ALDH1A2: variants seen among roughly 807,000 people sequenced by gnomAD.
ALDH1A2 encodes retinal dehydrogenase 2.
ALDH1A2 carries 27 observed loss-of-function variants against 60.3 expected under a neutral mutation model. The ratio of observed to expected loss-of-function variants is 0.45; its 90% CI spans 0.33 to 0.62. The LOEUF is 0.62. Ranked by LOEUF, ALDH1A2 falls within the 20% of genes least tolerant of loss-of-function variation. The probability of loss-of-function intolerance (pLI) is 0.02; values close to 1 mark genes in which losing one functional copy is unlikely to be tolerated. For synonymous variants in ALDH1A2, 289 were observed against 232.4 expected (o/e 1.24, Z -2.21); for missense variants, 581 against 643.8 (o/e 0.90, Z 1.06).
At chr15:57,968,073 C>A (rs1869104544) in intron 7 of ALDH1A2, among the ~76,000 whole-genome samples, 1 of 152,122 alleles carries the variant, frequency 6.6e-6, no homozygotes, top group African/African-American at 2.4e-5. Context: ...CTGTGACTGT[C>A]TGCTCTTCTG....
At chr15:58,016,316 G>C (rs1034812744) in intron 1 of ALDH1A2, among the ~76,000 whole-genome samples, 1 of 151,782 alleles carries the variant, frequency 6.6e-6, no homozygotes, top group Non-Finnish European at 1.5e-5. Flanking sequence ...GCTAATTTTT[G>C]TATTTTTAGT....
chr15:57,955,094 T>C lies in ALDH1A2; in HGVS notation c.*103A>G. ...ACATGTTATCTTTTCAATCTTTAAG[T>C]AAGGACCGTGGCTCAACTTTGTATT... On this transcript the variant is annotated 3_prime_UTR_variant, in exon 13 of 13. Coordinates refer to ENST00000249750, the MANE Select transcript of ALDH1A2 (RefSeq NM_003888.4). 2.4e-6 allele frequency: 3 copies of C among 1,235,504 alleles called. No homozygotes were observed. Among genetic ancestry groups the C allele is most frequent in the Non-Finnish European group, 3.6e-6 (3 of 834,668 alleles). The allele number at this position is 1,235,504 out of a possible 1,614,324, so 76.5% of individuals were successfully genotyped here.
chr15:58,065,579 G>T lies in ALDH1A2; in HGVS notation c.72C>A (p.His24Gln), dbSNP rs924003291. 8 of 1,613,442 alleles carry T rather than the reference G, an allele frequency of 5.0e-6. No homozygotes were observed. Among genetic ancestry groups the T allele is most frequent in the Non-Finnish European group, 5.9e-6 (7 of 1,179,622 alleles). The change falls in exon 1 of 13, where the codon CAC (histidine) becomes CAA (glutamine). Residue 24 changes from histidine (H) to glutamine (Q), a missense_variant. By Grantham distance (24) the His-to-Gln change is conservative (BLOSUM62 0). This residue lies in a region of ALDH1A2 where 206 missense variants were observed against 174.1 expected (regional missense o/e 1.18). Coordinates refer to ENST00000249750, the MANE Select transcript of ALDH1A2 (RefSeq NM_003888.4). ...GATTGGGCGTGGGCGACGGCAGGAG[G>T]TGCAGCGACGCCATGAGGGCGGCGG... The part of the protein sequence containing the change: ...ADPAALMASL[H>Q]LLPSPTPNLE...
chr15:58,055,136 C>T (rs1011446408), intron 1 of ALDH1A2, among the ~76,000 whole-genome samples: 2 of 151,930 alleles, frequency 1.3e-5, no homozygotes, highest in East Asian at 1.9e-4. Context: ...CTTATTGTTA[C>T]GAGTAGGGAA....
chr15:58,056,258 C>T (rs1463473359), intron 1 of ALDH1A2, among the ~76,000 whole-genome samples: 2 of 152,070 alleles, frequency 1.3e-5, no homozygotes, highest in Non-Finnish European at 2.9e-5. Context: ...AACCATCAAT[C>T]AAAGTAGTTT....
intron 7 of ALDH1A2, among the ~76,000 whole-genome samples, chr15:57,974,432 C>CAAAAA (rs61170362): frequency 8.0e-4 from 77 of 96,440 alleles, no homozygotes; most frequent in East Asian, 2.3e-3. Context: ...GACTCCATCT[C>CAAAAA]AAAAAAAAAA....
intron 7 of ALDH1A2, among the ~76,000 whole-genome samples, chr15:57,972,952 A>C (rs920830984): frequency 6.6e-6 from 1 of 152,180 alleles, no homozygotes; most frequent in Non-Finnish European, 1.5e-5. Flanking sequence ...AGCAGTAGAG[A>C]TGGTGCTTGT....
chr15:58,014,165 C>T lies in ALDH1A2; in HGVS notation c.222+12G>A, dbSNP rs1359355920. Reference sequence around the variant, plus strand: ...TATTTCATAGGAAATCTTTTATCTACAAAAGACATACCTTGTCTGCTTCTT... The same window carrying T: ...TATTTCATAGGAAATCTTTTATCTATAAAAGACATACCTTGTCTGCTTCTT... On this transcript the variant is annotated intron_variant, in intron 2 of 12. Coordinates refer to ENST00000249750, the MANE Select transcript of ALDH1A2 (RefSeq NM_003888.4). The T allele has an allele frequency of 6.2e-7, 1 of 1,613,914 alleles. No individual in the cohort carries two copies. Among genetic ancestry groups the T allele is most frequent in the Non-Finnish European group, 8.5e-7 (1 of 1,179,898 alleles).
At chr15:58,046,711 G>T (rs1272524575) in intron 1 of ALDH1A2, among the ~76,000 whole-genome samples, 1 of 152,018 alleles carries the variant, frequency 6.6e-6, no homozygotes, top group African/African-American at 2.4e-5. Flanking sequence ...AAGTATAGCT[G>T]GTTAAAATGG....
At position 58,049,130 on chromosome 15, in the gene ALDH1A2, T is replaced by C. The variant is rs547855416; in HGVS notation, c.117+16404A>G. ...CGTATTTTACAATTTATCCATGTTG[T>C]TGAATGTATCTTGTGGTTTGGTTCT... is the stretch of plus-strand genomic sequence containing the variant. On this transcript the variant is annotated intron_variant, in intron 1 of 12. Transcript: ENST00000249750. 9.9e-5 allele frequency among the ~76,000 whole-genome samples: 15 copies of C among 152,262 alleles called. No individual in the cohort carries two copies. The East Asian group carries it at 2.3e-3, about 24-fold the overall frequency.
At position 58,047,790 on chromosome 15, in the gene ALDH1A2, T is replaced by C. The variant is rs188933847; in HGVS notation, c.117+17744A>G. 3.2e-3 allele frequency among the ~76,000 whole-genome samples: 494 copies of C among 152,122 alleles called. 4 individuals carry two copies. The highest frequency in any genetic ancestry group is 0.011 in the African/African-American group (473 of 41,552). ...TGGTTCTGTTGACTTCCATTATTCATTCGCTTTGCTTCACGCCAAAACATC... is the reference window on the plus strand; with the variant it reads ...TGGTTCTGTTGACTTCCATTATTCACTCGCTTTGCTTCACGCCAAAACATC... On this transcript the variant is annotated intron_variant, in intron 1 of 12. Transcript: ENST00000249750.
rs1893429244 is a variant in ALDH1A2 at position 57,953,871 on chromosome 15, G to A, written c.*1326C>T. On this transcript the variant is annotated 3_prime_UTR_variant, in exon 13 of 13. Coordinates refer to ENST00000249750, the MANE Select transcript of ALDH1A2 (RefSeq NM_003888.4). Reference sequence around the variant, plus strand: ...GATTGGATTTGACAGCTGGAAAGATGGAAGAAGGGATGGAAGAAGGAAAGG... The same window carrying A: ...GATTGGATTTGACAGCTGGAAAGATAGAAGAAGGGATGGAAGAAGGAAAGG... 2 of 152,528 alleles carry A rather than the reference G, an allele frequency of 1.3e-5. No individual in the cohort carries two copies. Among genetic ancestry groups the A allele is most frequent in the East Asian group, 1.9e-4 (1 of 5,328 alleles). The allele number at this position is 152,528 out of a possible 1,614,324, so 9.4% of individuals were successfully genotyped here.
intron 1 of ALDH1A2, among the ~76,000 whole-genome samples, chr15:58,023,960 G>A (rs207475529): frequency 6.6e-6 from 1 of 152,238 alleles, no homozygotes; most frequent in Admixed American, 6.5e-5. Flanking sequence ...AGGCGTGGTG[G>A]CACATGCCTG....
intron 1 of ALDH1A2, among the ~76,000 whole-genome samples, chr15:58,033,058 AG>A (rs1187009154): frequency 6.6e-6 from 1 of 152,024 alleles, no homozygotes; most frequent in East Asian, 1.9e-4. Flanking sequence ...GGTAGGTTAA[AG>A]GATACCTATA....
At chr15:58,022,370 T>C (rs943612139) in intron 1 of ALDH1A2, among the ~76,000 whole-genome samples, 3 of 152,128 alleles carry the variant, frequency 2.0e-5, no homozygotes, top group Non-Finnish European at 2.9e-5. Flanking sequence ...GCCTGGAGAC[T>C]TGCCTGTCCA....
At position 57,974,444 on chromosome 15, in the gene ALDH1A2, AAAAAAAAAAG is replaced by A. The variant is rs1243954945; in HGVS notation, c.799-8627_799-8618del. Among the ~76,000 whole-genome samples the A allele has an allele frequency of 4.7e-4, 72 of 151,718 alleles. 1 individual carries two copies. The highest frequency in any genetic ancestry group is 1.7e-3 in the African/African-American group (70 of 41,380). On this transcript the variant is annotated intron_variant, in intron 7 of 12. Coordinates refer to ENST00000249750, the MANE Select transcript of ALDH1A2 (RefSeq NM_003888.4). ...CGAGACTCCATCTCAAAAAAAAAAA[AAAAAAAAAAG>A]AAAGAAATAGACCCATATAAATATG...
intron 1 of ALDH1A2, among the ~76,000 whole-genome samples, chr15:58,040,641 C>T (rs1896497605): frequency 1.3e-5 from 2 of 151,994 alleles, no homozygotes; most frequent in South Asian, 2.1e-4. Flanking sequence ...TATGGCTGTT[C>T]CCCGTCTCCT....
chr15:57,987,062 TAAC>T (rs1308307781), intron 7 of ALDH1A2, among the ~76,000 whole-genome samples: 50 of 152,192 alleles, frequency 3.3e-4, no homozygotes, highest in African/African-American at 1.2e-3. Flanking sequence ...TTCTAGAACT[TAAC>T]AAAATCTCTG....
At chr15:57,956,771 C>T (rs1893540247) in intron 12 of ALDH1A2, among the ~76,000 whole-genome samples, 1 of 152,142 alleles carries the variant, frequency 6.6e-6, no homozygotes, top group Non-Finnish European at 1.5e-5. Flanking sequence ...CCATGTGCAT[C>T]CCATTTGAAG....
Sources: allele counts gnomAD v4.1 joint callset (sites outside exome capture counted in the v4.1 genomes callset), GRCh38; gene constraint gnomAD v4.1.1; regional missense constraint gnomAD v4.1.1; transcripts MANE v1.5; gene names NCBI Gene and HGNC (gene_info 2026-07-23, HGNC 2026-07-21).